Variants in PALM2AKAP2 observed in about 807,000 individuals in gnomAD.
PALM2AKAP2 encodes the protein PALM2-AKAP2 fusion protein.
In PALM2AKAP2, 37 loss-of-function variants were observed where a neutral mutation model predicts 71.5. The observed-to-expected ratio is 0.52, with a 90% CI of 0.40 to 0.68. The LOEUF is 0.68. Ranked by LOEUF, PALM2AKAP2 falls within the 30% of genes least tolerant of loss-of-function variation. The pLI is 0.00. For synonymous variants in PALM2AKAP2, 468 were observed against 478.8 expected (o/e 0.98, Z 0.29); for missense variants, 1,224 against 1,191.8 (o/e 1.03, Z -0.40).
intron 3 of PALM2AKAP2, among the ~76,000 whole-genome samples, chr9:109,915,004 C>T (rs899559538): frequency 3.9e-5 from 6 of 152,200 alleles, no homozygotes; most frequent in Non-Finnish European, 8.8e-5. Flanking sequence ...TCTGCTCTTT[C>T]TACCACCTCC....
intron 7 of PALM2AKAP2, among the ~76,000 whole-genome samples, chr9:110,031,821 A>T (rs1042058421): frequency 3.3e-5 from 5 of 152,180 alleles, no homozygotes; most frequent in African/African-American, 1.2e-4. Flanking sequence ...CCTGATCAAT[A>T]TGGAGGCTTT....
chr9:110,096,348 C>G (rs1342230602), intron 1 of PALM2AKAP2, among the ~76,000 whole-genome samples: 1 of 152,070 alleles, frequency 6.6e-6, no homozygotes, highest in Non-Finnish European at 1.5e-5. Flanking sequence ...ACTGTAGCTT[C>G]AACCTCCTGG....
intron 3 of PALM2AKAP2, among the ~76,000 whole-genome samples, chr9:110,163,184 T>C (rs1466208783): frequency 6.6e-6 from 1 of 152,170 alleles, no homozygotes; most frequent in Non-Finnish European, 1.5e-5. Flanking sequence ...TATTTTATTT[T>C]GATTTTAAAA....
upstream of PALM2AKAP2, among the ~76,000 whole-genome samples, chr9:110,044,958 G>T (rs890646470): frequency 3.3e-5 from 5 of 152,058 alleles, no homozygotes; most frequent in African/African-American, 9.7e-5. Flanking sequence ...CTCAGTTTGG[G>T]GAGAGAGGGA....
At chr9:110,052,644 T>C (rs1009128272) in intron 1 of PALM2AKAP2, among the ~76,000 whole-genome samples, 1 of 152,216 alleles carries the variant, frequency 6.6e-6, no homozygotes, top group Non-Finnish European at 1.5e-5. Flanking sequence ...ACACCTGATA[T>C]TTAAATCTAA....
chr9:110,039,464 G>A (rs752684436), intron 7 of PALM2AKAP2, among the ~76,000 whole-genome samples: 5 of 152,098 alleles, frequency 3.3e-5, no homozygotes, highest in Non-Finnish European at 7.4e-5. Flanking sequence ...GAGGGATGGC[G>A]AGGCTGAGCG....
upstream of PALM2AKAP2, among the ~76,000 whole-genome samples, chr9:110,046,025 T>C (rs1450319980): frequency 6.6e-6 from 1 of 152,196 alleles, no homozygotes; most frequent in African/African-American, 2.4e-5. Flanking sequence ...GCAACCCCCC[T>C]AATCGTGACA....
At chr9:109,704,899 C>A (rs181216061) in intron 1 of PALM2AKAP2, among the ~76,000 whole-genome samples, 1 of 152,306 alleles carries the variant, frequency 6.6e-6, no homozygotes, top group East Asian at 1.9e-4. Context: ...CTCTCCTTAG[C>A]CCCCAGTCCC....
chr9:109,803,440 C>T (rs1402776415), intron 1 of PALM2AKAP2, among the ~76,000 whole-genome samples: 1 of 152,154 alleles, frequency 6.6e-6, no homozygotes, highest in Non-Finnish European at 1.5e-5. Context: ...CATGGAGCCT[C>T]ATTTCTGGAT....
chr9:109,826,739 A>G (rs867376411), intron 1 of PALM2AKAP2, among the ~76,000 whole-genome samples: 30 of 152,268 alleles, frequency 2.0e-4, no homozygotes, highest in Middle Eastern at 3.4e-3. Context: ...AAGTGTGAAT[A>G]GGGTGTGAAT....
intron 1 of PALM2AKAP2, among the ~76,000 whole-genome samples, chr9:110,134,496 T>C (rs1426538435): frequency 6.6e-6 from 1 of 152,184 alleles, no homozygotes; most frequent in African/African-American, 2.4e-5. Flanking sequence ...TATACATTAC[T>C]TGAATAATTT....
intron 2 of PALM2AKAP2, among the ~76,000 whole-genome samples, chr9:109,879,925 T>A (rs1829808896): frequency 6.6e-6 from 1 of 152,128 alleles, no homozygotes; most frequent in Non-Finnish European, 1.5e-5. Context: ...CTACAACTCC[T>A]GGAATCAAGC....
intron 6 of PALM2AKAP2, among the ~76,000 whole-genome samples, chr9:109,974,042 C>T (rs1423278273): frequency 6.6e-6 from 1 of 152,182 alleles, no homozygotes; most frequent in African/African-American, 2.4e-5. Context: ...GCAGACAGGA[C>T]ACATGTAAAG....
chr9:110,047,406 A>G (rs1464724388), upstream of PALM2AKAP2, among the ~76,000 whole-genome samples: 1 of 152,140 alleles, frequency 6.6e-6, no homozygotes, highest in Non-Finnish European at 1.5e-5. Context: ...CTTTCTGGGT[A>G]GTTCCCAAGG....
intron 1 of PALM2AKAP2, among the ~76,000 whole-genome samples, chr9:110,058,504 C>G (rs1016172426): frequency 1.3e-5 from 2 of 152,150 alleles, no homozygotes; most frequent in African/African-American, 4.8e-5. Context: ...CCTACCTTTC[C>G]GTTCTCAAGC....
At chr9:110,167,853 A>G (rs1356420973) in intron 3 of PALM2AKAP2, among the ~76,000 whole-genome samples, 1 of 152,190 alleles carries the variant, frequency 6.6e-6, no homozygotes, top group Non-Finnish European at 1.5e-5. Flanking sequence ...GAAGAGACTA[A>G]GACCATCTAT....
chr9:109,694,823 A>G (rs1827947306), intron 1 of PALM2AKAP2, among the ~76,000 whole-genome samples: 1 of 152,088 alleles, frequency 6.6e-6, no homozygotes, highest in African/African-American at 2.4e-5. Flanking sequence ...TCAGACTTAG[A>G]CAATGAAAAA....
chr9:109,726,454 G>T (rs1041415960), intron 1 of PALM2AKAP2, among the ~76,000 whole-genome samples: 130 of 152,358 alleles, frequency 8.5e-4, no homozygotes, highest in African/African-American at 2.9e-3. Flanking sequence ...CAGCTCTGCA[G>T]TATGACTGGG....
chr9:110,007,677 G>A (rs181361848), intron 6 of PALM2AKAP2, among the ~76,000 whole-genome samples: 15 of 152,230 alleles, frequency 9.9e-5, no homozygotes, highest in Admixed American at 2.6e-4. Context: ...CCACTGTAGG[G>A]AACTGAAAGG....
Sources: gnomAD v4.1 joint callset for allele counts (sites outside exome capture counted in the v4.1 genomes callset) on GRCh38, gnomAD v4.1.1 for gene constraint, MANE v1.5 for transcripts, NCBI Gene and HGNC (gene_info 2026-07-23, HGNC 2026-07-21) for gene names.